SYN3: variants seen among roughly 807,000 people sequenced by gnomAD.
The protein encoded by SYN3 is synapsin-3.
In SYN3, 35 loss-of-function variants were observed where a neutral mutation model predicts 65.8. The ratio of observed to expected loss-of-function variants is 0.53; its 90% CI spans 0.41 to 0.70. The LOEUF (loss-of-function observed/expected upper bound fraction) is 0.70, where lower values mean the gene tolerates loss of function less well. Ranked by LOEUF, SYN3 falls within the 30% of genes least tolerant of loss-of-function variation. The probability of loss-of-function intolerance (pLI) is 0.00; values close to 1 mark genes in which losing one functional copy is unlikely to be tolerated. For missense variants in SYN3, 680 were observed against 749.0 expected (o/e 0.91, Z 1.08); for synonymous variants, 270 against 292.9 (o/e 0.92, Z 0.80).
At chr22:32,620,584 T>C (rs779039937) in intron 6 of SYN3, among the ~76,000 whole-genome samples, 1 of 152,162 alleles carries the variant, frequency 6.6e-6, no homozygotes, top group African/African-American at 2.4e-5. Context: ...TCAATGGTTG[T>C]CTTAAAAGAA....
chr22:33,012,794 G>A (rs1250315652), intron 1 of SYN3, among the ~76,000 whole-genome samples: 1 of 152,248 alleles, frequency 6.6e-6, no homozygotes, highest in Non-Finnish European at 1.5e-5. Context: ...CAAAGCTGCA[G>A]CTCTCCACTT....
At chr22:32,659,582 T>C (rs910634394) in intron 6 of SYN3, among the ~76,000 whole-genome samples, 12 of 152,224 alleles carry the variant, frequency 7.9e-5, no homozygotes, top group Non-Finnish European at 1.5e-4. Flanking sequence ...TTTACCTCTT[T>C]ATTTAATGCA....
intron 1 of SYN3, among the ~76,000 whole-genome samples, chr22:33,048,041 G>A (rs2054098842): frequency 6.6e-6 from 1 of 152,042 alleles, no homozygotes; most frequent in South Asian, 2.1e-4. Flanking sequence ...CTGTCCGGAG[G>A]AGGCAGGCAG....
intron 6 of SYN3, among the ~76,000 whole-genome samples, chr22:32,717,676 C>T (rs943474664): frequency 6.6e-6 from 1 of 152,158 alleles, no homozygotes; most frequent in African/African-American, 2.4e-5. Context: ...TCACTCTGCA[C>T]TTGAGAACAG....
intron 7 of SYN3, among the ~76,000 whole-genome samples, chr22:32,552,378 G>A (rs1397894564): frequency 6.6e-6 from 1 of 151,878 alleles, no homozygotes; most frequent in African/African-American, 2.4e-5. Flanking sequence ...AAATATAATT[G>A]AGCATCAGTG....
chr22:33,056,420 CAG>C (rs2054254645), intron 1 of SYN3, among the ~76,000 whole-genome samples: 1 of 152,324 alleles, frequency 6.6e-6, no homozygotes, highest in Admixed American at 6.5e-5. Flanking sequence ...GTCCAGCTGC[CAG>C]AGTGTTGGTT....
At chr22:33,008,432 T>C (rs2145808956) in intron 1 of SYN3, among the ~76,000 whole-genome samples, 1 of 152,344 alleles carries the variant, frequency 6.6e-6, no homozygotes, top group South Asian at 2.1e-4. Context: ...ATGTCACCGT[T>C]TATTAATTTT....
intron 6 of SYN3, among the ~76,000 whole-genome samples, chr22:32,750,650 A>C (rs73408904): frequency 0.017 from 2,641 of 152,312 alleles, 77 homozygotes; most frequent in African/African-American, 0.057. Context: ...ATACTGAAAC[A>C]GGGCAAGGGC....
chr22:32,890,071 GCT>G (rs1491300746), intron 4 of SYN3, among the ~76,000 whole-genome samples: 8 of 67,918 alleles, frequency 1.2e-4, no homozygotes, highest in African/African-American at 2.8e-4. Flanking sequence ...AGATTTAGCT[GCT>G]TTTTTTTTTT....
intron 7 of SYN3, among the ~76,000 whole-genome samples, chr22:32,594,175 A>G (rs1397406854): frequency 3.3e-5 from 5 of 152,022 alleles, no homozygotes; most frequent in African/African-American, 1.2e-4. Flanking sequence ...GATGATGGTT[A>G]AAGAGGGGTT....
intron 6 of SYN3, among the ~76,000 whole-genome samples, chr22:32,820,801 G>T (rs2047225028): frequency 6.6e-6 from 1 of 152,226 alleles, no homozygotes; most frequent in Admixed American, 6.5e-5. Flanking sequence ...ACAGATGTGG[G>T]TTCTTGGAAG....
rs1230609085 is a variant in SYN3, at chr22:32,569,555, C to CTGTA, written c.774+27118_774+27119insTACA. Among the ~76,000 whole-genome samples the CTGTA allele has an allele frequency of 2.6e-3, 286 of 109,748 alleles. 4 individuals are homozygous for CTGTA. The highest frequency in any genetic ancestry group is 9.2e-3 in the African/African-American group (265 of 28,756). The allele number at this position is 109,748 out of a possible 152,430, so 72.0% of individuals were successfully genotyped here. On this transcript the variant is annotated intron_variant, in intron 7 of 13. Transcript: ENST00000358763. ...TCAATCAATCTCTCTCTCTCTCTCTCTCTCTCTCTCTCTCTCTATATATAT... is the reference window on the plus strand; with the variant it reads ...TCAATCAATCTCTCTCTCTCTCTCTCTGTATCTCTCTCTCTCTCTCTATATATAT...
chr22:32,676,381 C>T (rs1298111110), intron 6 of SYN3, among the ~76,000 whole-genome samples: 2 of 152,184 alleles, frequency 1.3e-5, no homozygotes, highest in African/African-American at 2.4e-5. Context: ...GTCAGAACTG[C>T]CAGCTTGTCC....
At chr22:32,710,558 G>A (rs2060947138) in intron 6 of SYN3, among the ~76,000 whole-genome samples, 1 of 150,354 alleles carries the variant, frequency 6.7e-6, no homozygotes, top group Non-Finnish European at 1.5e-5. Flanking sequence ...GCTTGAGCCT[G>A]GGAGGCAGAG....
At chr22:32,650,224 TCTCTCTCTCCCTCCCTCC>T (rs2060042922) in intron 6 of SYN3, among the ~76,000 whole-genome samples, 1 of 127,982 alleles carries the variant, frequency 7.8e-6, no homozygotes. Flanking sequence ...TTTCTCTCTC[TCTCTCTCTCCCTCCCTCC>T]CTCCCTCCCT....
At chr22:32,861,024 A>G (rs1479628788) in intron 6 of SYN3, 1 of 151,198 alleles carries the variant, frequency 6.6e-6, no homozygotes, top group East Asian at 1.9e-4. Flanking sequence ...GATAATGTAT[A>G]TTTTACAGAG....
At chr22:32,733,683 T>G (rs2061300502) in intron 6 of SYN3, among the ~76,000 whole-genome samples, 1 of 152,216 alleles carries the variant, frequency 6.6e-6, no homozygotes, top group African/African-American at 2.4e-5. Context: ...ACTCACAAAA[T>G]GCTGAACCAA....
intron 6 of SYN3, among the ~76,000 whole-genome samples, chr22:32,697,706 T>C (rs758788335): frequency 6.6e-6 from 1 of 152,210 alleles, no homozygotes; most frequent in Non-Finnish European, 1.5e-5. Context: ...ATCCTGAGGC[T>C]GATAGAACAG....
chr22:32,942,747 T>C (rs542070565), intron 3 of SYN3, among the ~76,000 whole-genome samples: 1 of 152,296 alleles, frequency 6.6e-6, no homozygotes, highest in Admixed American at 6.5e-5. Context: ...GAGAAGTCCT[T>C]AAATGACCTG....
Sources: gnomAD v4.1 joint callset for allele counts (sites outside exome capture counted in the v4.1 genomes callset) on GRCh38, gnomAD v4.1.1 for gene constraint, MANE v1.5 for transcripts, NCBI Gene and HGNC (gene_info 2026-07-23, HGNC 2026-07-21) for gene names.